OSBPL10: variants seen among roughly 807,000 people sequenced by gnomAD.
OSBPL10 encodes the protein oxysterol-binding protein-related protein 10.
OSBPL10 carries 49 observed loss-of-function variants against 81.7 expected under a neutral mutation model. That is an observed-to-expected ratio of 0.60 (90% confidence interval 0.48 to 0.76). The LOEUF (loss-of-function observed/expected upper bound fraction) is 0.76. Among genes scored for constraint, OSBPL10 ranks in the 30% least tolerant of loss-of-function variants. The pLI is 0.00. For missense variants in OSBPL10, 923 were observed against 987.8 expected (o/e 0.93, Z 0.88); for synonymous variants, 419 against 383.6 (o/e 1.09, Z -1.08).
At chr3:31,982,284 A>G (rs1405929745), upstream of OSBPL10, among the ~76,000 whole-genome samples, 1 of 152,214 alleles carries the variant, frequency 6.6e-6, no homozygotes, top group East Asian at 1.9e-4. Flanking sequence ...TTTTTTGTGA[A>G]TATAGATATC....
At chr3:31,841,603 A>G (rs990780137) in intron 3 of OSBPL10, among the ~76,000 whole-genome samples, 1 of 152,238 alleles carries the variant, frequency 6.6e-6, no homozygotes, top group African/African-American at 2.4e-5. Flanking sequence ...AAGCTGTAGT[A>G]GATGCTTTCA....
chr3:31,795,203 G>GCAGT (rs1699168928), intron 4 of OSBPL10: 1 of 130,716 alleles, frequency 7.7e-6, no homozygotes, highest in East Asian at 2.5e-4. Flanking sequence ...GGAGTGCAGT[G>GCAGT]GCACCATTTC....
chr3:31,816,549 C>G (rs1216733286), intron 4 of OSBPL10, among the ~76,000 whole-genome samples: 1 of 152,164 alleles, frequency 6.6e-6, no homozygotes, highest in Non-Finnish European at 1.5e-5. Context: ...TAGCTGGGCA[C>G]AGTGTCCAGA....
chr3:31,765,841 T>C (rs756784571), intron 4 of OSBPL10, among the ~76,000 whole-genome samples: 1 of 152,178 alleles, frequency 6.6e-6, no homozygotes, highest in East Asian at 1.9e-4. Context: ...TAGTTGATCA[T>C]GGTCACAGAG....
At chr3:31,754,173 G>A (rs1033269153) in intron 4 of OSBPL10, among the ~76,000 whole-genome samples, 14 of 151,988 alleles carry the variant, frequency 9.2e-5, no homozygotes, top group Middle Eastern at 6.3e-3. Context: ...CCCTCCAAGC[G>A]TTCCCTTTAG....
intron 4 of OSBPL10, among the ~76,000 whole-genome samples, chr3:31,751,371 CAAACAAATAAAATAAAATA>C (rs1488589772): frequency 1.6e-3 from 211 of 135,660 alleles, no homozygotes; most frequent in African/African-American, 5.7e-3. Context: ...AACAAACAAA[CAAACAAATAAAATAAAATA>C]AAATAAAATA....
intron 1 of OSBPL10, among the ~76,000 whole-genome samples, chr3:31,960,642 C>G (rs927667426): frequency 3.9e-5 from 6 of 152,158 alleles, no homozygotes; most frequent in Non-Finnish European, 8.8e-5. Context: ...GAAGTTAACC[C>G]TTTCTCCTCT....
intron 1 of OSBPL10, among the ~76,000 whole-genome samples, chr3:31,952,145 G>C (rs532823385): frequency 6.6e-6 from 1 of 151,572 alleles, no homozygotes; most frequent in Admixed American, 6.6e-5. Context: ...GAAAACCTAC[G>C]ATAAAGCATT....
intron 1 of OSBPL10, among the ~76,000 whole-genome samples, chr3:31,958,543 T>TA (rs1698070550): frequency 6.6e-6 from 1 of 152,154 alleles, no homozygotes; most frequent in Non-Finnish European, 1.5e-5. Flanking sequence ...ACAGTTGTAT[T>TA]AGGATGGGAG....
chr3:32,032,398 A>G (rs923474324), intron 2 of OSBPL10, among the ~76,000 whole-genome samples: 1 of 152,168 alleles, frequency 6.6e-6, no homozygotes, highest in Admixed American at 6.6e-5. Flanking sequence ...CGACAGAGTG[A>G]GACTCTGTCT....
At chr3:31,783,802 AAAAAAAAAAAAAAAAAAAAAAAT>A (rs1698773211) in intron 4 of OSBPL10, among the ~76,000 whole-genome samples, 1 of 65,422 alleles carries the variant, frequency 1.5e-5, no homozygotes, top group Non-Finnish European at 2.8e-5. Flanking sequence ...AAAAAAAAAA[AAAAAAAAAAAAAAAAAAAAAAAT>A]ATATATATAT....
At chr3:31,773,279 G>A (rs1698435414) in intron 4 of OSBPL10, among the ~76,000 whole-genome samples, 1 of 152,050 alleles carries the variant, frequency 6.6e-6, no homozygotes, top group Non-Finnish European at 1.5e-5. Context: ...ACTCACACGA[G>A]CATATCTGAC....
At chr3:31,706,784 T>C (rs1043422596) in intron 6 of OSBPL10, among the ~76,000 whole-genome samples, 1 of 152,252 alleles carries the variant, frequency 6.6e-6, no homozygotes, top group Non-Finnish European at 1.5e-5. Flanking sequence ...GTAATGTAAC[T>C]ACAGTTTGTG....
chr3:31,902,171 C>G (rs1166173675), intron 1 of OSBPL10, among the ~76,000 whole-genome samples: 1 of 151,976 alleles, frequency 6.6e-6, no homozygotes, highest in Non-Finnish European at 1.5e-5. Flanking sequence ...CAGAGCTGTG[C>G]TAAGGTTTAA....
At chr3:31,799,716 G>T (rs1454216481) in intron 4 of OSBPL10, among the ~76,000 whole-genome samples, 2 of 152,134 alleles carry the variant, frequency 1.3e-5, no homozygotes, top group East Asian at 1.9e-4. Context: ...CACAAAAATC[G>T]TAAGCAGCAG....
At chr3:32,004,843 G>T (rs114251394) in intron 2 of OSBPL10, among the ~76,000 whole-genome samples, 4,681 of 152,176 alleles carry the variant, frequency 0.031, 213 homozygotes, top group African/African-American at 0.11. Flanking sequence ...ATTTTTACAG[G>T]TGCATAAAAT....
intron 2 of OSBPL10, chr3:31,991,256 G>C (rs35460795): frequency 2.8e-6 from 1 of 354,272 alleles, no homozygotes; most frequent in South Asian, 6.8e-5. Flanking sequence ...GACCATCCTG[G>C]CCAAAAGACG....
chr3:32,028,926 G>GAACACACACACACACACACA (rs201594298), intron 2 of OSBPL10, among the ~76,000 whole-genome samples: 1 of 67,210 alleles, frequency 1.5e-5, no homozygotes, highest in Non-Finnish European at 3.0e-5. Flanking sequence ...TAGCTAGTCA[G>GAACACACACACACACACACA]GACACACACA....
chr3:31,893,952 T>C lies in OSBPL10; in HGVS notation c.282-14122A>G, dbSNP rs1393952328. ...TGAATTGTGGTGATAGTTACAAAAC[T>C]ATATAAATTTACTAAAAGTAACTCA... On this transcript the variant is annotated intron_variant, in intron 1 of 11. Transcript: ENST00000396556. Among the ~76,000 whole-genome samples the C allele has an allele frequency of 2.6e-5, 4 of 152,228 alleles. No individual in the cohort carries two copies. The East Asian group carries it at 5.8e-4, about 22-fold the overall frequency.
Sources: allele counts gnomAD v4.1 joint callset (sites outside exome capture counted in the v4.1 genomes callset), GRCh38; gene constraint gnomAD v4.1.1; transcripts MANE v1.5; gene names NCBI Gene and HGNC (gene_info 2026-07-23, HGNC 2026-07-21).